A4GALT: variants seen among roughly 807,000 people sequenced by gnomAD.
A4GALT encodes lactosylceramide 4-alpha-galactosyltransferase.
For synonymous variants in A4GALT, 257 were observed against 220.7 expected, an observed-to-expected ratio of 1.16 and a Z score of -1.46; for missense variants, 512 against 486.0, an observed-to-expected ratio of 1.05 and a Z score of -0.50.
chr22:42,709,104 G>C (rs916347483), intron 1 of A4GALT, among the ~76,000 whole-genome samples: 1 of 146,200 alleles, frequency 6.8e-6, no homozygotes, highest in African/African-American at 2.5e-5. Flanking sequence ...ACCCAGGCTG[G>C]AATGCAGTGG....
Position 42,692,603 on chromosome 22 carries a change from G to T in A4GALT, c.*287C>A. 1 of 571,322 alleles carries T rather than the reference G, an allele frequency of 1.8e-6. No individual in the cohort carries two copies. Among genetic ancestry groups the T allele is most frequent in the Non-Finnish European group, 3.3e-6 (1 of 300,736 alleles). The allele number at this position is 571,322 out of a possible 1,614,324, so 35.4% of individuals were successfully genotyped here. A position where few individuals can be genotyped will look rare whatever the true frequency, so the allele number is the denominator to read the frequency against. On this transcript the variant is annotated 3_prime_UTR_variant, in exon 3 of 3. Transcript: ENST00000642412. The surrounding 1 kb of genome is among the most constrained non-coding windows in gnomAD (Gnocchi z 4.6). ...GCCTGGCTTTCCGCACCACCTGGGG[G>T]TGCCCTGAGGTTCATCCTTCCTGCC...
chr22:42,700,927 G>A (rs1158977354), intron 1 of A4GALT, among the ~76,000 whole-genome samples: 2 of 152,178 alleles, frequency 1.3e-5, no homozygotes, highest in Non-Finnish European at 2.9e-5. Context: ...AGTGTTTAAG[G>A]TCAGGAAGCA....
chr22:42,701,616 C>T (rs985902950), intron 1 of A4GALT, among the ~76,000 whole-genome samples: 1 of 152,228 alleles, frequency 6.6e-6, no homozygotes. Context: ...CTCCTGAGAA[C>T]ACCTGCTGTC....
Position 42,693,140 on chromosome 22 carries a change from C to T in A4GALT, c.812G>A (p.Arg271His), listed in dbSNP as rs1410884262. The T allele has an allele frequency of 3.7e-6, 6 of 1,602,606 alleles. No homozygotes were observed. Among genetic ancestry groups the T allele is most frequent in the African/African-American group, 1.3e-5 (1 of 74,704 alleles). Residue 271 changes from arginine (R) to histidine (H), a missense_variant, in exon 3 of 3, where the codon CGC (arginine) becomes CAC (histidine). Physicochemically the swap from Arg to His is conservative, Grantham distance 29. Coordinates refer to ENST00000642412, the MANE Select transcript of A4GALT (RefSeq NM_017436.7). ...WCSIRSLAES[R>H]ACRGVTTLPP... ...CAGGGTGGTGACGCCGCGGCAGGCG[C>T]GGCTCTCGGCCAGGCTGCGGATGGA...
intron 1 of A4GALT, among the ~76,000 whole-genome samples, chr22:42,704,837 C>T (rs1432441086): frequency 7.7e-6 from 1 of 130,344 alleles, no homozygotes. Flanking sequence ...TTGAGTGTGG[C>T]CCAAAGCACC....
rs1212020905 is a variant in A4GALT, at chr22:42,693,278, C to T, written c.674G>A (p.Arg225His). The T allele has an allele frequency of 1.9e-6, 3 of 1,612,918 alleles. No individual in the cohort carries two copies. The highest frequency in any genetic ancestry group is 1.6e-4 in the Middle Eastern group (1 of 6,062). The change falls in exon 3 of 3, where the codon CGC (arginine) becomes CAC (histidine). Residue 225 changes from arginine (R) to histidine (H), a missense_variant. Transcript: ENST00000642412. ...GCACAGCGCCATGAACTCGTGCCGG[C>T]GCTCGAAGGCCAGGAACGCGCCGTT... ...VLNGAFLAFE[R>H]RHEFMALCMR...
At chr22:42,699,846 G>A (rs766268285) in intron 1 of A4GALT, among the ~76,000 whole-genome samples, 6 of 152,176 alleles carry the variant, frequency 3.9e-5, no homozygotes, top group Non-Finnish European at 8.8e-5. Flanking sequence ...ATTACCATTC[G>A]AATGGCAGAC....
intron 1 of A4GALT, among the ~76,000 whole-genome samples, chr22:42,697,906 C>A (rs1031616748): frequency 1.3e-5 from 2 of 152,180 alleles, no homozygotes; most frequent in African/African-American, 4.8e-5. Context: ...TGGCTCCCAT[C>A]GCCAGGATTC....
At chr22:42,708,478 C>G (rs1338339816) in intron 1 of A4GALT, among the ~76,000 whole-genome samples, 1 of 151,138 alleles carries the variant, frequency 6.6e-6, no homozygotes, top group East Asian at 2.0e-4. Flanking sequence ...TGCACTGAGC[C>G]ATGATGGTGC....
At chr22:42,698,919 G>A (rs4822185) in intron 1 of A4GALT, among the ~76,000 whole-genome samples, 98,178 of 150,922 alleles carry the variant, frequency 0.65, 32,035 homozygotes, top group Middle Eastern at 0.73. Context: ...CACCAGCACC[G>A]TGAGTTTACA....
chr22:42,693,230 T>C lies in A4GALT; in HGVS notation c.722A>G (p.Tyr241Cys). The C allele has an allele frequency of 1.2e-6, 2 of 1,609,808 alleles. No homozygotes were observed. The highest frequency in any genetic ancestry group is 1.1e-5 in the South Asian group (1 of 90,646). Residue 241 changes from tyrosine to cysteine, a missense_variant, in exon 3 of 3, where the codon TAC becomes TGC. By Grantham distance (194) the Tyr-to-Cys change is radical. Coordinates refer to ENST00000642412, the MANE Select transcript of A4GALT (RefSeq NM_017436.7). ...CTGGTGACCCCAGATCCAGCCGTTG[T>C]AGTGGTCCACGAAGTCCCGCATGCA... Reference protein sequence around the residue: ...ALCMRDFVDHYNGWIWGHQGP... With the variant: ...ALCMRDFVDHCNGWIWGHQGP...
At position 42,693,517 on chromosome 22, in the gene A4GALT, G is replaced by C. The variant is rs758251960; in HGVS notation, c.435C>G (p.Asp145Glu). 8 of 1,613,154 alleles carry C rather than the reference G, an allele frequency of 5.0e-6. 1 individual carries two copies. The South Asian group carries it at 5.5e-5, about 11-fold the overall frequency. ...GTGTGTCCCGGAACAGCTCCCGCAGGTCCAGCGGGAGCATCTGGACATTCG... is the reference window on the plus strand; with the variant it reads ...GTGTGTCCCGGAACAGCTCCCGCAGCTCCAGCGGGAGCATCTGGACATTCG... ...CFPNVQMLPL[D>E]LRELFRDTPL... The change falls in exon 3 of 3, where the codon GAC (aspartate) becomes GAG (glutamate). Residue 145 changes from aspartate to glutamate, a missense_variant. Physicochemically the swap from Asp to Glu is conservative, Grantham distance 45. Transcript: ENST00000642412.
In A4GALT at chr22:42,705,752, C is replaced by T. The variant is rs1384596648; in HGVS notation, c.-187-10121G>A. Among the ~76,000 whole-genome samples the T allele has an allele frequency of 1.6e-5, 2 of 124,928 alleles. 1 individual carries two copies. Among genetic ancestry groups the T allele is most frequent in the Non-Finnish European group, 3.7e-5 (2 of 53,610 alleles). 82.0% of individuals were successfully genotyped at this position (124,928 alleles called of 152,430 possible). On this transcript the variant is annotated intron_variant, in intron 1 of 2. Coordinates refer to ENST00000642412, the MANE Select transcript of A4GALT (RefSeq NM_017436.7). ...GTGCGGTGGCTCACACCTGTAATCC[C>T]AGCACTTTAATAGGCCGAGGCTGGC...
intron 1 of A4GALT, among the ~76,000 whole-genome samples, chr22:42,697,714 T>A (rs1485864703): frequency 6.6e-6 from 1 of 152,168 alleles, no homozygotes; most frequent in Non-Finnish European, 1.5e-5. Flanking sequence ...GCCCAAAGCA[T>A]GCTCCTGGCC....
chr22:42,693,546 A>G lies in A4GALT; in HGVS notation c.406T>C (p.Phe136Leu). 1 of 1,613,486 alleles carries G rather than the reference A, an allele frequency of 6.2e-7. No individual in the cohort carries two copies. Among genetic ancestry groups the G allele is most frequent in the Non-Finnish European group, 8.5e-7 (1 of 1,180,018 alleles). ...RHLGISLLSC[F>L]PNVQMLPLDL... is the part of the protein sequence containing the mutation. ...AGCGGGAGCATCTGGACATTCGGGA[A>G]GCAGCTCAGAAGTGAGATGCCCAGG... The change falls in exon 3 of 3, where the codon TTC becomes CTC. Residue 136 changes from phenylalanine to leucine, a missense_variant. Physicochemically the swap from Phe to Leu is conservative, Grantham distance 22. Transcript: ENST00000642412.
chr22:42,693,833 CAGT>C lies in A4GALT; in HGVS notation c.116_118del (p.Tyr39del), dbSNP rs932861647. 7 of 1,608,744 alleles carry C rather than the reference CAGT, an allele frequency of 4.4e-6. No individual in the cohort carries two copies. Among genetic ancestry groups the C allele is most frequent in the Non-Finnish European group, 5.9e-6 (7 of 1,177,954 alleles). On this transcript the variant is annotated inframe_deletion, in exon 3 of 3. Coordinates refer to ENST00000642412, the MANE Select transcript of A4GALT (RefSeq NM_017436.7). ...CTCCTTGGGCTCTCCCACAACGTGC[CAGT>C]AGATCATGATGGAGACGAAAAACGT...
intron 1 of A4GALT, among the ~76,000 whole-genome samples, chr22:42,703,422 A>ATT (rs999242921): frequency 6.6e-6 from 1 of 151,610 alleles, no homozygotes; most frequent in Non-Finnish European, 1.5e-5. Flanking sequence ...CGCCTGGCTA[A>ATT]TTTTTGTATT....
rs1199364139 is a variant in A4GALT at position 42,706,311 on chromosome 22, C to T, written c.-187-10680G>A. Among the ~76,000 whole-genome samples, 9 of 134,376 alleles carry T rather than the reference C, an allele frequency of 6.7e-5. No individual in the cohort carries two copies. The East Asian group carries it at 1.9e-3, about 29-fold the overall frequency. The allele number at this position is 134,376 out of a possible 152,430, so 88.2% of individuals were successfully genotyped here. The stretch of plus-strand genomic sequence containing the variant: ...CAGAGCTTGTAGTGAGCTGAGATCA[C>T]ACCACTGCACTCCAGCCTGGGTGAC... On this transcript the variant is annotated intron_variant, in intron 1 of 2. Transcript: ENST00000642412.
rs1920927953 is a variant in A4GALT, at chr22:42,702,355, T to TC, written c.-187-6725_-187-6724insG. Among the ~76,000 whole-genome samples the TC allele has an allele frequency of 3.3e-5, 5 of 151,158 alleles. No homozygotes were observed. In the South Asian group the frequency reaches 1.0e-3, roughly 32 times the overall value. On this transcript the variant is annotated intron_variant, in intron 1 of 2. Transcript: ENST00000642412. ...AACACACTCTTTTTTTTTTTTTTTT[T>TC]TCACAGATGGAGTCTTGCTCTGTCG... is the stretch of plus-strand genomic sequence containing the variant.
Sources: allele counts gnomAD v4.1 joint callset (sites outside exome capture counted in the v4.1 genomes callset), GRCh38; gene constraint gnomAD v4.1.1; non-coding constraint Gnocchi (gnomAD v3.1); transcripts MANE v1.5; gene names NCBI Gene and HGNC (gene_info 2026-07-23, HGNC 2026-07-21).